The following BIRC6 variants were observed in gnomAD, a reference collection of about 807,000 sequenced individuals.
The protein encoded by BIRC6 is baculoviral IAP repeat containing 6, also known as dual E2 ubiquitin-conjugating enzyme/E3 ubiquitin-protein ligase BIRC6.
In BIRC6, 98 loss-of-function variants were observed where a neutral mutation model predicts 503.3. The observed-to-expected ratio is 0.19, with a 90% CI of 0.17 to 0.23. The LOEUF (loss-of-function observed/expected upper bound fraction) is 0.23, where lower values mean the gene tolerates loss of function less well. Ranked by LOEUF, BIRC6 falls within the 10% of genes least tolerant of loss-of-function variation. The probability of loss-of-function intolerance (pLI) is 1.00; values close to 1 mark genes in which losing one functional copy is unlikely to be tolerated. For missense variants in BIRC6, 5,360 were observed against 5,806.0 expected, an observed-to-expected ratio of 0.92 and a Z score of 2.50; for synonymous variants, 2,240 against 2,078.7, an observed-to-expected ratio of 1.08 and a Z score of -2.11.
chr2:32,596,181 T>C (rs1158479346), intron 68 of BIRC6, among the ~76,000 whole-genome samples: 2 of 152,234 alleles, frequency 1.3e-5, no homozygotes, highest in South Asian at 2.1e-4. Flanking sequence ...CTGTAACTTA[T>C]TTGCTTTAAA....
At chr2:32,404,681 A>T (rs954008784) in intron 8 of BIRC6, among the ~76,000 whole-genome samples, 5 of 148,186 alleles carry the variant, frequency 3.4e-5, no homozygotes, top group African/African-American at 4.9e-5. Flanking sequence ...TATATATATA[A>T]TTTTTTTTTT....
At chr2:32,485,593 A>G (rs1175606752) in intron 39 of BIRC6, 50 bp from the exon 40 acceptor site, 1 of 1,205,940 alleles carries the variant, frequency 8.3e-7, no homozygotes, top group Non-Finnish European at 1.2e-6. Context: ...GAGGTAGGAC[A>G]TGAGTAATAA....
In BIRC6 at chr2:32,515,670, G is replaced by T; in HGVS notation, c.11249G>T (p.Gly3750Val). 1 of 1,608,246 alleles carries T rather than the reference G, an allele frequency of 6.2e-7. No homozygotes were observed. Among genetic ancestry groups the T allele is most frequent in the Non-Finnish European group, 8.5e-7 (1 of 1,179,850 alleles). ...TCTCTTTCTTCAGCTGCTACAACAG[G>T]ACTGACTACTCAACAGCGCACAGCA... ...SASLSSAATT[G>V]LTTQQRTAIE... The change falls in exon 55 of 74, where the codon GGA becomes GTA. Residue 3750 changes from glycine (G) to valine (V), a missense_variant. By Grantham distance (109) the Gly-to-Val change is moderately radical (BLOSUM62 -3). Around this residue, in one of 16 missense-constraint regions of BIRC6, gnomAD observed 878 missense variants for 928.9 expected, o/e 0.95. Transcript: ENST00000421745.
At chr2:32,568,791 CCGAGATT>C (rs374970375) in intron 65 of BIRC6, among the ~76,000 whole-genome samples, 4 of 151,524 alleles carry the variant, frequency 2.6e-5, no homozygotes, top group African/African-American at 9.7e-5. Context: ...TTGCAGTGAG[CCGAGATT>C]ATGTCATAGC....
rs954031274 is a variant in BIRC6 at position 32,490,285 on chromosome 2, C to T, written c.8206+134C>T. 2.5e-5 allele frequency: 18 copies of T among 721,984 alleles called. No individual in the cohort carries two copies. In the East Asian group the frequency reaches 3.5e-4, roughly 14 times the overall value. 44.7% of individuals were successfully genotyped at this position (721,984 alleles called of 1,614,324 possible). A position where few individuals can be genotyped will look rare whatever the true frequency, so the allele number is the denominator to read the frequency against. On this transcript the variant is annotated intron_variant, in intron 43 of 73. Transcript: ENST00000421745. ...TGAGTTGGCCAGATGTGGTGGCTCA[C>T]GCCTGTAAACCCAGCACTTTGGGAG...
intron 65 of BIRC6, among the ~76,000 whole-genome samples, chr2:32,562,521 G>A (rs542206308): frequency 1.3e-5 from 2 of 152,300 alleles, no homozygotes; most frequent in East Asian, 3.9e-4. Context: ...TTTGACAAAT[G>A]CGCAATTTTA....
At chr2:32,449,410 C>T (rs2046432780) in intron 22 of BIRC6, among the ~76,000 whole-genome samples, 3 of 152,050 alleles carry the variant, frequency 2.0e-5, no homozygotes, top group African/African-American at 4.8e-5. Context: ...TACGTATATC[C>T]TTTTATACTT....
chr2:32,408,068 A>T (rs2041442953), intron 9 of BIRC6, among the ~76,000 whole-genome samples: 1 of 151,906 alleles, frequency 6.6e-6, no homozygotes, highest in South Asian at 2.1e-4. Context: ...CCCGAGTTCA[A>T]GGGATTCTCT....
intron 51 of BIRC6, 176 bp from the exon 52 acceptor site, chr2:32,509,562 C>A: frequency 1.4e-6 from 1 of 722,792 alleles, no homozygotes; most frequent in Non-Finnish European, 2.2e-6. Flanking sequence ...CATGATTTAT[C>A]TTATAGGGGA....
At chr2:32,391,250 A>G (rs568709179) in intron 4 of BIRC6, among the ~76,000 whole-genome samples, 48 of 152,314 alleles carry the variant, frequency 3.2e-4, no homozygotes, top group Non-Finnish European at 6.3e-4. Flanking sequence ...GTCCTAAAAT[A>G]TTAATTTTGA....
chr2:32,490,390 A>G (rs1230114995), intron 43 of BIRC6, among the ~76,000 whole-genome samples: 2 of 152,130 alleles, frequency 1.3e-5, no homozygotes, highest in African/African-American at 4.8e-5. Flanking sequence ...TCTACTAAAA[A>G]TACAAAAGTT....
chr2:32,447,216 A>G (rs1413671467), intron 21 of BIRC6, among the ~76,000 whole-genome samples: 1 of 148,160 alleles, frequency 6.7e-6, no homozygotes, highest in Non-Finnish European at 1.5e-5. Flanking sequence ...CCGCCTTTCT[A>G]TTCCACAAAA....
chr2:32,580,040 G>T (rs149270262), intron 66 of BIRC6, among the ~76,000 whole-genome samples: 1 of 148,308 alleles, frequency 6.7e-6, no homozygotes, highest in Non-Finnish European at 1.5e-5. Context: ...TGCAACCTCC[G>T]TCTCCTGGTT....
chr2:32,482,342 G>A (rs2050501415), intron 38 of BIRC6, 87 bp from the exon 39 acceptor site: 1 of 1,276,766 alleles, frequency 7.8e-7, no homozygotes, highest in South Asian at 1.5e-5. Flanking sequence ...TTATTTTGTA[G>A]TTCTGTTTGG....
intron 65 of BIRC6, among the ~76,000 whole-genome samples, chr2:32,569,114 C>A (rs530035010): frequency 6.6e-6 from 1 of 151,846 alleles, no homozygotes; most frequent in South Asian, 2.1e-4. Flanking sequence ...CTCAGCCTCC[C>A]GAGTAGCTGG....
intron 65 of BIRC6, chr2:32,565,876 A>G (rs2059501187): frequency 6.6e-6 from 1 of 152,114 alleles, no homozygotes; most frequent in South Asian, 2.1e-4. Flanking sequence ...ACTCACTATT[A>G]TGAGGACAGC....
chr2:32,580,941 A>G (rs909990510), intron 66 of BIRC6, among the ~76,000 whole-genome samples: 3 of 152,218 alleles, frequency 2.0e-5, no homozygotes, highest in Non-Finnish European at 2.9e-5. Flanking sequence ...GATCTCCTTC[A>G]ATAGAGTACA....
chr2:32,441,554 AC>A, intron 17 of BIRC6, 92 bp downstream of exon 17: 2 of 1,254,620 alleles, frequency 1.6e-6, no homozygotes. Context: ...AAAATCTTTT[AC>A]CTGAAAATTT....
intron 1 of BIRC6, among the ~76,000 whole-genome samples, chr2:32,367,007 A>G (rs2035036712): frequency 6.6e-6 from 1 of 152,196 alleles, no homozygotes; most frequent in African/African-American, 2.4e-5. Context: ...TTTTTTGCAT[A>G]CTGTAGAACT....
Sources: allele counts gnomAD v4.1 joint callset (sites outside exome capture counted in the v4.1 genomes callset), GRCh38; gene constraint gnomAD v4.1.1; regional missense constraint gnomAD v4.1.1; transcripts MANE v1.5; gene names NCBI Gene and HGNC (gene_info 2026-07-23, HGNC 2026-07-21).